Variants in ILRUN observed in about 807,000 individuals in gnomAD.
The protein encoded by ILRUN is protein ILRUN.
Under a neutral mutation model 33.8 loss-of-function variants are expected in ILRUN, and 3 were observed. That is an observed-to-expected ratio of 0.09 (90% CI 0.04 to 0.23). The LOEUF (loss-of-function observed/expected upper bound fraction) is 0.23, where lower values mean the gene tolerates loss of function less well. Ranked by LOEUF, ILRUN falls within the 10% of genes least tolerant of loss-of-function variation. The pLI is 1.00. For synonymous variants in ILRUN, 124 were observed against 138.9 expected, an observed-to-expected ratio of 0.89 and a Z score of 0.75; for missense variants, 210 against 375.1, an observed-to-expected ratio of 0.56 and a Z score of 3.64.
chr6:34,610,969 G>A (rs897256075), intron 3 of ILRUN, among the ~76,000 whole-genome samples: 1 of 152,066 alleles, frequency 6.6e-6, no homozygotes, highest in Non-Finnish European at 1.5e-5. Context: ...CCAGCACTCT[G>A]GGTGGTTGAG....
Position 34,696,437 on chromosome 6 carries a change from C to G in ILRUN, c.158+9G>C, listed in dbSNP as rs571228442. The G allele has an allele frequency of 3.9e-6, 6 of 1,547,466 alleles. No homozygotes were observed. Among genetic ancestry groups the G allele is most frequent in the South Asian group, 2.4e-5 (2 of 84,738 alleles). On this transcript the variant is annotated intron_variant, in intron 1 of 4. Coordinates refer to ENST00000374023, the MANE Select transcript of ILRUN (RefSeq NM_024294.4). ...CGCTGCCAGCGCTGGCACTGCGGGGCCGGCTCACCAGTTGGTCATGTCCAG... is the reference window on the plus strand; with the variant it reads ...CGCTGCCAGCGCTGGCACTGCGGGGGCGGCTCACCAGTTGGTCATGTCCAG...
chr6:34,674,167 C>T (rs1444585087), intron 1 of ILRUN, among the ~76,000 whole-genome samples: 1 of 152,074 alleles, frequency 6.6e-6, no homozygotes, highest in Non-Finnish European at 1.5e-5. Flanking sequence ...GCTGGGATTA[C>T]AGGCACACAC....
At chr6:34,687,190 G>A (rs1040206510) in intron 1 of ILRUN, 3 of 152,182 alleles carry the variant, frequency 2.0e-5, no homozygotes, top group Non-Finnish European at 4.4e-5. Context: ...GGTCTTTTGG[G>A]AGGGAATAAA....
At chr6:34,633,610 G>A (rs1376980324) in intron 3 of ILRUN, among the ~76,000 whole-genome samples, 1 of 151,752 alleles carries the variant, frequency 6.6e-6, no homozygotes, top group Non-Finnish European at 1.5e-5. Flanking sequence ...CAGCACTTTG[G>A]GAGGCCAAGG....
chr6:34,678,713 G>C (rs1763290914), intron 1 of ILRUN, among the ~76,000 whole-genome samples: 1 of 151,268 alleles, frequency 6.6e-6, no homozygotes, highest in Non-Finnish European at 1.5e-5. Flanking sequence ...AAATTAGCCG[G>C]GTGTGGTGGC....
At chr6:34,644,497 T>C (rs1432864204) in intron 3 of ILRUN, among the ~76,000 whole-genome samples, 1 of 152,024 alleles carries the variant, frequency 6.6e-6, no homozygotes, top group Admixed American at 6.6e-5. Context: ...AGCTCAGCAG[T>C]GGGAGAAACA....
chr6:34,621,861 C>CAA (rs35985719), intron 3 of ILRUN, among the ~76,000 whole-genome samples: 4,505 of 148,402 alleles, frequency 0.03, 179 homozygotes, highest in African/African-American at 0.087. Context: ...GACTCCAGCT[C>CAA]AAAAAAAAAA....
At chr6:34,648,811 C>T (rs1024347552) in intron 2 of ILRUN, among the ~76,000 whole-genome samples, 9 of 152,150 alleles carry the variant, frequency 5.9e-5, no homozygotes, top group Admixed American at 3.3e-4. Context: ...TACACATACA[C>T]CTGCAACAAG....
intron 4 of ILRUN, among the ~76,000 whole-genome samples, chr6:34,605,166 C>T (rs974363338): frequency 1.3e-5 from 2 of 151,952 alleles, no homozygotes; most frequent in African/African-American, 2.4e-5. Flanking sequence ...ATTAGCTGGG[C>T]GTGGTGGCAC....
intron 1 of ILRUN, among the ~76,000 whole-genome samples, chr6:34,674,120 G>A (rs191175988): frequency 4.3e-4 from 65 of 152,152 alleles, no homozygotes; most frequent in African/African-American, 1.3e-3. Context: ...CTCCGCCTCC[G>A]GGTTCAAGCA....
rs1763609903 is a variant in ILRUN, at chr6:34,689,783, T to C, written c.158+6663A>G. Among the ~76,000 whole-genome samples, 3 of 151,548 alleles carry C rather than the reference T, an allele frequency of 2.0e-5. No individual in the cohort carries two copies. The South Asian group carries it at 6.3e-4, about 32-fold the overall frequency. ...GTTATATCTTTATCTAGTAGGGTGT[T>C]TCTGACAATGTTGAGAAAATTAATA... is the stretch of plus-strand genomic sequence containing the variant. On this transcript the variant is annotated intron_variant, in intron 1 of 4. Coordinates refer to ENST00000374023, the MANE Select transcript of ILRUN (RefSeq NM_024294.4).
At chr6:34,694,800 C>A (rs1410125097) in intron 1 of ILRUN, among the ~76,000 whole-genome samples, 4 of 152,124 alleles carry the variant, frequency 2.6e-5, no homozygotes, top group African/African-American at 9.6e-5. Flanking sequence ...CTGTTCCCAG[C>A]ACTTTGGGAG....
rs1762572786 is a variant in ILRUN at position 34,646,884 on chromosome 6, C to G, written c.314-86G>C. Reference sequence around the variant, plus strand: ...TATTATGAAACTGTAGAAGAGGCCTCTTTCTTTTTCTCACATACATACATA... The same window carrying G: ...TATTATGAAACTGTAGAAGAGGCCTGTTTCTTTTTCTCACATACATACATA... On this transcript the variant is annotated intron_variant, in intron 2 of 4. Transcript: ENST00000374023. This position sits in a 1 kb window ranked among gnomAD's most constrained non-coding sequence, Gnocchi z 4.9. The G allele has an allele frequency of 1.6e-6, 2 of 1,217,050 alleles. No individual in the cohort carries two copies. The highest frequency in any genetic ancestry group is 5.4e-4 in the Middle Eastern group (2 of 3,682). 75.4% of individuals were successfully genotyped at this position (1,217,050 alleles called of 1,614,324 possible).
At chr6:34,602,150 G>A (rs1440295979) in intron 4 of ILRUN, among the ~76,000 whole-genome samples, 2 of 151,562 alleles carry the variant, frequency 1.3e-5, no homozygotes, top group South Asian at 2.1e-4. Flanking sequence ...CACAATATAA[G>A]AGCCATATTT....
intron 2 of ILRUN, among the ~76,000 whole-genome samples, chr6:34,651,789 C>CTTT (rs11288958): frequency 4.4e-4 from 45 of 102,796 alleles, no homozygotes; most frequent in Non-Finnish European, 6.7e-4. Flanking sequence ...TTCCAAAAAA[C>CTTT]TTTTTTTTTT....
Position 34,654,692 on chromosome 6 carries a change from G to A in ILRUN, c.246C>T (p.Thr82=), listed in dbSNP as rs781732895. The change falls in exon 2 of 5, where the codon ACC becomes ACT. Residue 82 remains threonine, a synonymous_variant. Coordinates refer to ENST00000374023, the MANE Select transcript of ILRUN (RefSeq NM_024294.4). The part of the protein sequence containing the change: ...VPSMSFVEDV[T]IGEGESIPPD... The stretch of plus-strand genomic sequence containing the variant: ...GAGGTATTGACTCCCCTTCTCCTAT[G>A]GTGACATCTTCAACAAAGGACATAG... The A allele has an allele frequency of 6.2e-7, 1 of 1,613,870 alleles. No individual in the cohort carries two copies. Among genetic ancestry groups the A allele is most frequent in the Non-Finnish European group, 8.5e-7 (1 of 1,179,964 alleles).
intron 1 of ILRUN, among the ~76,000 whole-genome samples, chr6:34,676,998 T>TAAAAA (rs3044899): frequency 1.5e-5 from 2 of 131,230 alleles, no homozygotes; most frequent in Non-Finnish European, 1.7e-5. Context: ...ATGTCACAAT[T>TAAAAA]AAAAAAAAAA....
At chr6:34,642,216 C>T (rs925069976) in intron 3 of ILRUN, among the ~76,000 whole-genome samples, 7 of 152,208 alleles carry the variant, frequency 4.6e-5, no homozygotes, top group East Asian at 3.8e-4. Flanking sequence ...ATGCCCATAG[C>T]AGCGGACCAT....
intron 2 of ILRUN, among the ~76,000 whole-genome samples, chr6:34,651,980 C>T (rs571169118): frequency 5.5e-4 from 84 of 151,754 alleles, no homozygotes; most frequent in Admixed American, 9.8e-4. Context: ...TTTTAGTAGA[C>T]GGGGTTTTGC....
Sources: allele counts gnomAD v4.1 joint callset (sites outside exome capture counted in the v4.1 genomes callset), GRCh38; gene constraint gnomAD v4.1.1; non-coding constraint Gnocchi (gnomAD v3.1); transcripts MANE v1.5; gene names NCBI Gene and HGNC (gene_info 2026-07-23, HGNC 2026-07-21).